The following EFL1 variants were observed in gnomAD, a reference collection of about 807,000 sequenced individuals.
EFL1 encodes the protein elongation factor like GTPase 1.
Under a neutral mutation model 126.7 loss-of-function variants are expected in EFL1, and 76 were observed. That is an observed-to-expected ratio of 0.60 (90% CI 0.50 to 0.73). The LOEUF (loss-of-function observed/expected upper bound fraction) is 0.73, where lower values mean the gene tolerates loss of function less well. Ranked by LOEUF, EFL1 falls within the 30% of genes least tolerant of loss-of-function variation. EFL1 has a pLI of 0.00. For synonymous variants in EFL1, 410 were observed against 448.4 expected (o/e 0.91, Z 1.08); for missense variants, 1,128 against 1,343.2 (o/e 0.84, Z 2.50).
chr15:82,232,223 G>A (rs1247016512), intron 7 of EFL1, among the ~76,000 whole-genome samples: 1 of 152,174 alleles, frequency 6.6e-6, no homozygotes, highest in Non-Finnish European at 1.5e-5. Context: ...GATGCTCCCT[G>A]GGGCCTCAAT....
chr15:82,211,173 T>A (rs901305813), intron 15 of EFL1, among the ~76,000 whole-genome samples: 1 of 152,020 alleles, frequency 6.6e-6, no homozygotes, highest in Non-Finnish European at 1.5e-5. Context: ...ATCCCAGCAT[T>A]TATTACCTGT....
intron 18 of EFL1, among the ~76,000 whole-genome samples, chr15:82,150,317 GT>G (rs1361490910): frequency 6.6e-6 from 1 of 152,154 alleles, no homozygotes; most frequent in Non-Finnish European, 1.5e-5. Context: ...TAAAAAGAAT[GT>G]AATTAACCAC....
At chr15:82,227,794 C>T (rs1288920885) in intron 10 of EFL1, among the ~76,000 whole-genome samples, 11 of 152,220 alleles carry the variant, frequency 7.2e-5, no homozygotes, top group Non-Finnish European at 5.9e-5. Context: ...ATGACAGATA[C>T]TTTAACACTG....
chr15:82,182,978 G>A (rs921701717), intron 15 of EFL1, among the ~76,000 whole-genome samples: 1 of 152,152 alleles, frequency 6.6e-6, no homozygotes, highest in Admixed American at 6.5e-5. Flanking sequence ...GAGCTGCTCT[G>A]GTACTGGGGC....
At chr15:82,147,552 G>C (rs890098702) in intron 18 of EFL1, among the ~76,000 whole-genome samples, 2 of 145,476 alleles carry the variant, frequency 1.4e-5, no homozygotes, top group African/African-American at 5.2e-5. Flanking sequence ...TGAGTCAGGA[G>C]AATTGTTTGA....
intron 17 of EFL1, among the ~76,000 whole-genome samples, chr15:82,154,707 T>A (rs186271467): frequency 4.6e-5 from 7 of 152,280 alleles, no homozygotes; most frequent in East Asian, 3.9e-4. Context: ...CCATTTTTTT[T>A]AAATCACCTA....
At chr15:82,169,263 T>C (rs984512237) in intron 15 of EFL1, among the ~76,000 whole-genome samples, 3 of 152,144 alleles carry the variant, frequency 2.0e-5, no homozygotes, top group African/African-American at 7.2e-5. Context: ...ACAGAGGATC[T>C]ACCCAAAAAG....
chr15:82,181,605 C>A (rs1331771097), intron 15 of EFL1, among the ~76,000 whole-genome samples: 1 of 142,438 alleles, frequency 7.0e-6, no homozygotes, highest in Non-Finnish European at 1.5e-5. Context: ...AGCATGAATT[C>A]TAATTTATGT....
intron 15 of EFL1, among the ~76,000 whole-genome samples, chr15:82,164,228 G>A (rs2074053850): frequency 6.6e-6 from 1 of 151,770 alleles, no homozygotes; most frequent in South Asian, 2.1e-4. Flanking sequence ...TATCAGATTG[G>A]GCTAATGCAT....
At chr15:82,144,876 C>T (rs1222766671) in intron 18 of EFL1, among the ~76,000 whole-genome samples, 1 of 151,862 alleles carries the variant, frequency 6.6e-6, no homozygotes, top group East Asian at 1.9e-4. Flanking sequence ...ACCTGTAGTC[C>T]CAGCTACTCT....
intron 15 of EFL1, among the ~76,000 whole-genome samples, chr15:82,202,888 T>C (rs1457423338): frequency 6.6e-6 from 1 of 151,780 alleles, no homozygotes; most frequent in African/African-American, 2.4e-5. Context: ...CTCAGTTCAC[T>C]GTAACCTCCG....
chr15:82,214,594 G>GAA, intron 15 of EFL1, 123 bp downstream of exon 15: 1 of 1,311,240 alleles, frequency 7.6e-7, no homozygotes, highest in Non-Finnish European at 1.0e-6. Flanking sequence ...AAAGATACCA[G>GAA]AAAAAAAAAT....
intron 15 of EFL1, among the ~76,000 whole-genome samples, chr15:82,188,970 G>A (rs1408567913): frequency 1.4e-5 from 2 of 141,896 alleles, no homozygotes; most frequent in Non-Finnish European, 3.0e-5. Flanking sequence ...ATACAGTCAT[G>A]CATCGCTTAA....
chr15:82,260,979 T>A (rs1430077728), intron 2 of EFL1, among the ~76,000 whole-genome samples: 1 of 152,236 alleles, frequency 6.6e-6, no homozygotes, highest in South Asian at 2.1e-4. Context: ...TACAGCAGTA[T>A]CTGTCAGAAG....
At chr15:82,148,604 G>C (rs1348842533) in intron 18 of EFL1, among the ~76,000 whole-genome samples, 1 of 152,074 alleles carries the variant, frequency 6.6e-6, no homozygotes, top group African/African-American at 2.4e-5. Context: ...ATAGCAAGTG[G>C]AACAAGTTGA....
intron 15 of EFL1, among the ~76,000 whole-genome samples, chr15:82,164,605 G>C (rs1282936805): frequency 6.6e-6 from 1 of 152,166 alleles, no homozygotes; most frequent in Non-Finnish European, 1.5e-5. Context: ...GTCTTAGAAA[G>C]AGTGATAAGG....
chr15:82,159,018 A>G (rs527934708), intron 16 of EFL1, among the ~76,000 whole-genome samples: 28 of 152,382 alleles, frequency 1.8e-4, no homozygotes, highest in African/African-American at 6.7e-4. Flanking sequence ...GATGGATGTC[A>G]GCACACTTGT....
At chr15:82,260,276 T>C (rs1422670869) in intron 2 of EFL1, among the ~76,000 whole-genome samples, 1 of 152,126 alleles carries the variant, frequency 6.6e-6, no homozygotes, top group African/African-American at 2.4e-5. Flanking sequence ...ATTCTCAAAA[T>C]GTGAGCAGTA....
intron 6 of EFL1, among the ~76,000 whole-genome samples, 177 bp downstream of exon 6, chr15:82,240,241 G>A (rs374649699): frequency 6.6e-6 from 1 of 152,112 alleles, no homozygotes; most frequent in African/African-American, 2.4e-5. Flanking sequence ...CCAAGAGATG[G>A]AAAAGACTAC....
Sources: allele counts gnomAD v4.1 joint callset (sites outside exome capture counted in the v4.1 genomes callset), GRCh38; gene constraint gnomAD v4.1.1; transcripts MANE v1.5; gene names NCBI Gene and HGNC (gene_info 2026-07-23, HGNC 2026-07-21).